DTWD2: variants seen among roughly 807,000 people sequenced by gnomAD.
DTWD2 encodes DTW motif tRNA-uridine aminocarboxypropyltransferase 2.
DTWD2 carries 39 observed loss-of-function variants against 31.8 expected under a neutral mutation model. The ratio of observed to expected loss-of-function variants is 1.22; its 90% CI spans 0.95 to 1.60. The LOEUF (loss-of-function observed/expected upper bound fraction) is 1.60, where lower values mean the gene tolerates loss of function less well. Ranked by LOEUF, DTWD2 falls within the 40% of genes most tolerant of loss-of-function variation. DTWD2 has a pLI of 0.00. For synonymous variants in DTWD2, 180 were observed against 142.8 expected (o/e 1.26, Z -1.86); for missense variants, 515 against 381.5 (o/e 1.35, Z -2.92).
chr5:118,924,490 T>G (rs1232666768), intron 4 of DTWD2, among the ~76,000 whole-genome samples: 1 of 152,212 alleles, frequency 6.6e-6, no homozygotes, highest in African/African-American at 2.4e-5. Flanking sequence ...CTTATTTGTA[T>G]CCATCTACTA....
At chr5:118,944,778 G>A in intron 1 of DTWD2, 129 bp from the exon 2 acceptor site, 1 of 738,526 alleles carries the variant, frequency 1.4e-6, no homozygotes, top group South Asian at 2.1e-5. Flanking sequence ...TTTTCAAAAT[G>A]AAATACCAAG....
chr5:118,892,508 G>C (rs1463087744), intron 4 of DTWD2, among the ~76,000 whole-genome samples: 1 of 152,060 alleles, frequency 6.6e-6, no homozygotes, highest in Non-Finnish European at 1.5e-5. Flanking sequence ...TTTAATTGTT[G>C]TGATGGTTAC....
At chr5:118,955,991 T>C (rs918209837) in intron 1 of DTWD2, among the ~76,000 whole-genome samples, 7 of 152,148 alleles carry the variant, frequency 4.6e-5, no homozygotes, top group African/African-American at 9.7e-5. Flanking sequence ...ACTGGTCAAC[T>C]GGGTATAGGT....
intron 4 of DTWD2, among the ~76,000 whole-genome samples, chr5:118,906,465 C>A (rs1424674741): frequency 6.6e-6 from 1 of 152,010 alleles, no homozygotes; most frequent in Non-Finnish European, 1.5e-5. Context: ...TTTGCAGATG[C>A]CCAGATAAAC....
chr5:118,944,514 T>C lies in DTWD2; in HGVS notation c.309+45A>G. The C allele has an allele frequency of 3.2e-6, 5 of 1,562,190 alleles. 1 individual carries two copies. In the South Asian group the frequency reaches 3.4e-5, roughly 11 times the overall value. ...ATGTTTATCTTCGTGTTTCCTCTTG[T>C]GGACTCATATTCTATTTGAAATCCT... On this transcript the variant is annotated intron_variant, in intron 2 of 5. Transcript: ENST00000510708.
chr5:118,926,552 G>T (rs1580413664), intron 4 of DTWD2, among the ~76,000 whole-genome samples: 1 of 152,004 alleles, frequency 6.6e-6, no homozygotes, highest in Non-Finnish European at 1.5e-5. Context: ...TTAAAAAAAA[G>T]AATTCATTGA....
chr5:118,904,736 CAT>C (rs1380607175), intron 4 of DTWD2, among the ~76,000 whole-genome samples: 11 of 152,194 alleles, frequency 7.2e-5, no homozygotes, highest in Admixed American at 1.3e-4. Flanking sequence ...GAACTGATAA[CAT>C]GTGGAGAAAG....
chr5:118,900,425 G>C (rs997905713), intron 4 of DTWD2, among the ~76,000 whole-genome samples: 2 of 152,048 alleles, frequency 1.3e-5, no homozygotes, highest in African/African-American at 4.8e-5. Flanking sequence ...AAAACTGCAG[G>C]CAAGTTAACA....
At chr5:118,915,397 CAG>C (rs1183866514) in intron 4 of DTWD2, among the ~76,000 whole-genome samples, 29 of 141,830 alleles carry the variant, frequency 2.0e-4, no homozygotes, top group South Asian at 2.2e-4. Flanking sequence ...TTTTTTCAGA[CAG>C]AGTCTCGCTC....
intron 1 of DTWD2, among the ~76,000 whole-genome samples, chr5:118,947,733 T>A (rs1754371679): frequency 1.3e-5 from 2 of 152,196 alleles, no homozygotes; most frequent in African/African-American, 4.8e-5. Flanking sequence ...CTTGCCCTTT[T>A]CTGCCTAGAA....
chr5:118,921,824 GA>G (rs1278388711), intron 4 of DTWD2, among the ~76,000 whole-genome samples: 2 of 152,114 alleles, frequency 1.3e-5, no homozygotes, highest in African/African-American at 2.4e-5. Flanking sequence ...TTAAAAAACT[GA>G]AGTTTTGGAT....
intron 1 of DTWD2, among the ~76,000 whole-genome samples, chr5:118,986,061 T>C (rs1020667916): frequency 6.6e-6 from 1 of 152,212 alleles, no homozygotes; most frequent in South Asian, 2.1e-4. Flanking sequence ...GTTGAACAAC[T>C]GAATTTTACC....
In DTWD2 at chr5:118,888,369, T is replaced by C. The variant is rs529514593; in HGVS notation, c.598-40151A>G. Among the ~76,000 whole-genome samples, 16 of 152,338 alleles carry C rather than the reference T, an allele frequency of 1.1e-4. No individual in the cohort carries two copies. The South Asian group carries it at 3.3e-3, about 32-fold the overall frequency. Reference sequence around the variant, plus strand: ...AAATTATACAATAGGTACTCATGTTTATCTGGATTCTTTCACTGAGTATAA... The same window carrying C: ...AAATTATACAATAGGTACTCATGTTCATCTGGATTCTTTCACTGAGTATAA... On this transcript the variant is annotated intron_variant, in intron 4 of 5. Coordinates refer to ENST00000510708, the MANE Select transcript of DTWD2 (RefSeq NM_173666.4).
At chr5:118,964,299 T>C (rs1203723959) in intron 1 of DTWD2, among the ~76,000 whole-genome samples, 1 of 151,988 alleles carries the variant, frequency 6.6e-6, no homozygotes, top group African/African-American at 2.4e-5. Context: ...CAGGATGAGA[T>C]TGGTTCCAAA....
At chr5:118,847,163 C>T (rs970448916) in intron 5 of DTWD2, among the ~76,000 whole-genome samples, 7 of 152,002 alleles carry the variant, frequency 4.6e-5, no homozygotes, top group Non-Finnish European at 8.8e-5. Context: ...CTGAACTGAG[C>T]TTTCATCTAT....
chr5:118,872,605 T>C (rs554423200), intron 4 of DTWD2, among the ~76,000 whole-genome samples: 13 of 152,342 alleles, frequency 8.5e-5, no homozygotes, highest in African/African-American at 2.9e-4. Flanking sequence ...TGCCTTCTTC[T>C]ATAGGTGAGG....
intron 2 of DTWD2, among the ~76,000 whole-genome samples, chr5:118,943,818 G>C (rs943433685): frequency 6.6e-6 from 1 of 152,158 alleles, no homozygotes; most frequent in Admixed American, 6.5e-5. Context: ...AAGTCTTCAA[G>C]TGATCCAGAC....
rs144417564 is a variant in DTWD2, at chr5:118,855,230, G to C, written c.598-7012C>G. 1.1e-3 allele frequency among the ~76,000 whole-genome samples: 160 copies of C among 142,244 alleles called. 1 individual carries two copies. Among genetic ancestry groups the C allele is most frequent in the African/African-American group, 4.0e-3 (154 of 38,732 alleles). 93.3% of individuals were successfully genotyped at this position (142,244 alleles called of 152,430 possible). On this transcript the variant is annotated intron_variant, in intron 4 of 5. Coordinates refer to ENST00000510708, the MANE Select transcript of DTWD2 (RefSeq NM_173666.4). ...ACTTAGTGTAAATATGTAATTACAA[G>C]AAGTTGCGGTAAAACTTTTTACCGC...
At chr5:118,960,208 T>C (rs1278782459) in intron 1 of DTWD2, among the ~76,000 whole-genome samples, 1 of 152,160 alleles carries the variant, frequency 6.6e-6, no homozygotes, top group East Asian at 1.9e-4. Context: ...AGGTCTAATA[T>C]TCAGAATCTA....
Sources: allele counts gnomAD v4.1 joint callset (sites outside exome capture counted in the v4.1 genomes callset), GRCh38; gene constraint gnomAD v4.1.1; transcripts MANE v1.5; gene names NCBI Gene and HGNC (gene_info 2026-07-23, HGNC 2026-07-21).